Variants in YY1AP1 observed in about 807,000 individuals in gnomAD.
The protein encoded by YY1AP1 is YY1 associated protein 1, also known as YY1-associated protein 1.
In YY1AP1, 43 loss-of-function variants were observed where a neutral mutation model predicts 39.9. The ratio of observed to expected loss-of-function variants is 1.08; its 90% CI spans 0.84 to 1.39. YY1AP1 has a LOEUF of 1.39. YY1AP1 is among the 40% of genes most tolerant of loss of function. The probability of loss-of-function intolerance (pLI) is 0.00; values close to 1 mark genes in which losing one functional copy is unlikely to be tolerated. For synonymous variants in YY1AP1, 292 were observed against 331.3 expected, an observed-to-expected ratio of 0.88 and a Z score of 1.29; for missense variants, 813 against 900.7, an observed-to-expected ratio of 0.90 and a Z score of 1.25.
At chr1:155,680,284 C>T in intron 3 of YY1AP1, 132 bp downstream of exon 3, 1 of 917,084 alleles carries the variant, frequency 1.1e-6, no homozygotes, top group Non-Finnish European at 1.6e-6. Context: ...TCATTATATT[C>T]TTTCCCAGGT....
At chr1:155,668,021 G>T (rs1031802919) in intron 9 of YY1AP1, among the ~76,000 whole-genome samples, 2 of 151,314 alleles carry the variant, frequency 1.3e-5, no homozygotes, top group Non-Finnish European at 2.9e-5. Flanking sequence ...AAAGTATATA[G>T]GCTGGGCACG....
intron 9 of YY1AP1, among the ~76,000 whole-genome samples, chr1:155,663,484 G>A (rs1648486437): frequency 6.6e-6 from 1 of 152,112 alleles, no homozygotes; most frequent in Admixed American, 6.5e-5. Flanking sequence ...ACTCTGGGAG[G>A]CTGAGGTGGG....
intron 7 of YY1AP1, among the ~76,000 whole-genome samples, chr1:155,671,576 A>G (rs1490097740): frequency 6.6e-6 from 1 of 152,160 alleles, no homozygotes; most frequent in African/African-American, 2.4e-5. Flanking sequence ...AAGAACCATA[A>G]AAGGAATGAG....
At position 155,676,762 on chromosome 1, in the gene YY1AP1, A is replaced by G; in HGVS notation, c.126-16T>C. 1.2e-6 allele frequency: 2 copies of G among 1,613,378 alleles called. No homozygotes were observed. Among genetic ancestry groups the G allele is most frequent in the Non-Finnish European group, 1.7e-6 (2 of 1,179,622 alleles). ...TTCCTCAAACCTATCCCAAACGGGG[A>G]TGACTGAATTTGAGTGTTTTCCTAG... On this transcript the variant is annotated splice_polypyrimidine_tract_variant and intron_variant, in intron 4 of 10. Transcript: ENST00000355499.
At chr1:155,671,808 A>C (rs1013270342) in intron 7 of YY1AP1, among the ~76,000 whole-genome samples, 2 of 152,228 alleles carry the variant, frequency 1.3e-5, no homozygotes, top group African/African-American at 4.8e-5. Flanking sequence ...TAGCTATTAA[A>C]GTAGTTTGGG....
Position 155,672,703 on chromosome 1 carries a change from G to A in YY1AP1, c.440C>T (p.Ser147Phe). ...GTTGTACTGATGGTGAAGGGCGATGGAGCTTTGAGCAAAGGTTCCCAGCTC... is the reference window on the plus strand; with the variant it reads ...GTTGTACTGATGGTGAAGGGCGATGAAGCTTTGAGCAAAGGTTCCCAGCTC... The part of the protein sequence containing the change: ...LKELGTFAQS[S>F]IALHHQYNPK... Residue 147 changes from serine to phenylalanine, a missense_variant, in exon 7 of 11, where the codon TCC becomes TTC. By Grantham distance (155) the Ser-to-Phe change is radical. Coordinates refer to ENST00000355499, the MANE Select transcript of YY1AP1 (RefSeq NM_139119.3). The A allele has an allele frequency of 1.2e-6, 2 of 1,614,118 alleles. No individual in the cohort carries two copies. The highest frequency in any genetic ancestry group is 1.7e-6 in the Non-Finnish European group (2 of 1,180,032).
rs1172794926 is a variant in YY1AP1 at position 155,675,072 on chromosome 1, G to A, written c.349C>T (p.His117Tyr). ...TTGGGGTTGCAGGTGGCAAGAAGGT[G>A]GATTTGTGTCAAGAGCTGAACATGC... ...QQHVQLLTQI[H>Y]LLATCNPNLN... The change falls in exon 6 of 11, where the codon CAC becomes TAC. Residue 117 changes from histidine to tyrosine, a missense_variant. Around this residue, in one of 3 missense-constraint regions of YY1AP1, gnomAD observed 196 missense variants for 189.7 expected, o/e 1.03. Coordinates refer to ENST00000355499, the MANE Select transcript of YY1AP1 (RefSeq NM_139119.3). 4.3e-6 allele frequency: 7 copies of A among 1,613,782 alleles called. No homozygotes were observed. Among genetic ancestry groups the A allele is most frequent in the South Asian group, 1.1e-5 (1 of 91,072 alleles).
intron 2 of YY1AP1, 170 bp downstream of exon 2, chr1:155,687,901 G>A: frequency 1.4e-6 from 1 of 720,612 alleles, no homozygotes; most frequent in South Asian, 2.4e-5. Flanking sequence ...CGCCTGGAGG[G>A]ACTTCCCGGT....
intron 9 of YY1AP1, among the ~76,000 whole-genome samples, chr1:155,668,273 C>T (rs1326495586): frequency 6.6e-6 from 1 of 152,162 alleles, no homozygotes; most frequent in Non-Finnish European, 1.5e-5. Context: ...TATACTCCTG[C>T]ACTCCAGCCT....
chr1:155,667,421 C>G (rs1174659418), intron 9 of YY1AP1, among the ~76,000 whole-genome samples: 1 of 151,934 alleles, frequency 6.6e-6, no homozygotes, highest in African/African-American at 2.4e-5. Context: ...GAAGGATCAC[C>G]CAGGAATTTG....
intron 6 of YY1AP1, among the ~76,000 whole-genome samples, chr1:155,674,254 T>C (rs1650305243): frequency 6.6e-6 from 1 of 150,994 alleles, no homozygotes; most frequent in African/African-American, 2.4e-5. Context: ...TTGAGCTTCA[T>C]GAATGGATAA....
At chr1:155,667,917 TAC>T (rs1649261658) in intron 9 of YY1AP1, among the ~76,000 whole-genome samples, 1 of 150,584 alleles carries the variant, frequency 6.6e-6, no homozygotes, top group African/African-American at 2.5e-5. Flanking sequence ...CATACATACA[TAC>T]ATACATACAT....
At chr1:155,675,497 T>A (rs1337848042) in intron 5 of YY1AP1, among the ~76,000 whole-genome samples, 1 of 152,082 alleles carries the variant, frequency 6.6e-6, no homozygotes, top group East Asian at 1.9e-4. Flanking sequence ...CCAGCTAATT[T>A]TTTGTTTTCG....
At chr1:155,664,023 A>AAT (rs1648570550) in intron 9 of YY1AP1, among the ~76,000 whole-genome samples, 1 of 151,818 alleles carries the variant, frequency 6.6e-6, no homozygotes, top group Non-Finnish European at 1.5e-5. Context: ...AAAAAAAAAA[A>AAT]AAAAATTAGC....
Position 155,670,519 on chromosome 1 carries a change from A to C in YY1AP1, c.584-55T>G, listed in dbSNP as rs1649697194. 6.9e-6 allele frequency: 11 copies of C among 1,605,246 alleles called. No individual in the cohort carries two copies. In the Admixed American group the frequency reaches 1.9e-4, roughly 27 times the overall value. On this transcript the variant is annotated intron_variant, in intron 7 of 10. Coordinates refer to ENST00000355499, the MANE Select transcript of YY1AP1 (RefSeq NM_139119.3). ...ACTTCTAGGAAAAAAGAGGGCTTCAAAAAGCCTGTGAATGCATTTTTGCAT... is the reference window on the plus strand; with the variant it reads ...ACTTCTAGGAAAAAAGAGGGCTTCACAAAGCCTGTGAATGCATTTTTGCAT...
At chr1:155,662,046 G>C (rs966108575) in intron 9 of YY1AP1, among the ~76,000 whole-genome samples, 1 of 152,124 alleles carries the variant, frequency 6.6e-6, no homozygotes, top group Non-Finnish European at 1.5e-5. Context: ...CAGATGCTAA[G>C]AGCAATCTTA....
intron 9 of YY1AP1, among the ~76,000 whole-genome samples, chr1:155,667,693 G>A (rs1372946360): frequency 1.3e-5 from 2 of 151,030 alleles, no homozygotes; most frequent in Admixed American, 6.6e-5. Flanking sequence ...ATGGTGGCAG[G>A]GGCCTGTAAT....
intron 9 of YY1AP1, among the ~76,000 whole-genome samples, chr1:155,665,077 T>A (rs1233231060): frequency 6.6e-6 from 1 of 151,120 alleles, no homozygotes; most frequent in East Asian, 2.0e-4. Flanking sequence ...GCCCCGGAGA[T>A]GGTTTAAATG....
chr1:155,688,708 C>G lies in YY1AP1; in HGVS notation c.-201G>C. 6.6e-7 allele frequency: 1 copy of G among 1,522,294 alleles called. No individual in the cohort carries two copies. Among genetic ancestry groups the G allele is most frequent in the Middle Eastern group, 1.9e-4 (1 of 5,338 alleles). 94.3% of individuals were successfully genotyped at this position (1,522,294 alleles called of 1,614,324 possible). A position where few individuals can be genotyped will look rare whatever the true frequency, so the allele number is the denominator to read the frequency against. Reference sequence around the variant, plus strand: ...TCTCCACCTCCTCTTCTCTCCTCCCCCTCCCTCCCCGCCCGCACGGCCACC... The same window carrying G: ...TCTCCACCTCCTCTTCTCTCCTCCCGCTCCCTCCCCGCCCGCACGGCCACC... On this transcript the variant is annotated 5_prime_UTR_variant, in exon 1 of 11. Transcript: ENST00000355499.
Sources: allele counts gnomAD v4.1 joint callset (sites outside exome capture counted in the v4.1 genomes callset), GRCh38; gene constraint gnomAD v4.1.1; regional missense constraint gnomAD v4.1.1; transcripts MANE v1.5; gene names NCBI Gene and HGNC (gene_info 2026-07-23, HGNC 2026-07-21).